Variants in PPM1L observed in about 807,000 individuals in gnomAD.
PPM1L encodes protein phosphatase 1L.
Under a neutral mutation model 31.4 loss-of-function variants are expected in PPM1L, and 13 were observed. The ratio of observed to expected loss-of-function variants is 0.41; its 90% CI spans 0.27 to 0.66. The LOEUF is 0.66. PPM1L is among the 30% of genes least tolerant of loss of function. The pLI is 0.29. For synonymous variants in PPM1L, 184 were observed against 175.4 expected, an observed-to-expected ratio of 1.05 and a Z score of -0.39; for missense variants, 326 against 453.7, an observed-to-expected ratio of 0.72 and a Z score of 2.56.
At chr3:161,008,269 C>A (rs1012319963) in intron 2 of PPM1L, among the ~76,000 whole-genome samples, 1 of 152,214 alleles carries the variant, frequency 6.6e-6, no homozygotes, top group African/African-American at 2.4e-5. Context: ...CTGCCCCATA[C>A]CCAGGAGGAA....
chr3:161,061,785 C>T (rs1388866785), intron 2 of PPM1L, among the ~76,000 whole-genome samples: 1 of 152,080 alleles, frequency 6.6e-6, no homozygotes, highest in Non-Finnish European at 1.5e-5. Context: ...CCAGCAGATC[C>T]CAAGGGACAA....
At chr3:160,840,929 A>G (rs1713859654) in intron 1 of PPM1L, among the ~76,000 whole-genome samples, 1 of 152,146 alleles carries the variant, frequency 6.6e-6, no homozygotes, top group Admixed American at 6.5e-5. Flanking sequence ...TATTGAGTCG[A>G]CTGATTCAAA....
intron 1 of PPM1L, among the ~76,000 whole-genome samples, chr3:160,858,510 G>A (rs1341383470): frequency 6.6e-6 from 1 of 152,108 alleles, no homozygotes; most frequent in African/African-American, 2.4e-5. Flanking sequence ...GCCTCCCAAA[G>A]CAAAAGTTAT....
intron 1 of PPM1L, among the ~76,000 whole-genome samples, chr3:160,900,868 C>T (rs1713515574): frequency 6.6e-6 from 1 of 152,124 alleles, no homozygotes; most frequent in African/African-American, 2.4e-5. Context: ...CATCAGTGAC[C>T]TGCATATTGC....
intron 2 of PPM1L, among the ~76,000 whole-genome samples, chr3:161,037,305 G>T (rs1022867027): frequency 2.0e-5 from 3 of 152,000 alleles, no homozygotes; most frequent in Non-Finnish European, 4.4e-5. Flanking sequence ...GCCATGTCAT[G>T]AAGAGATGAT....
chr3:160,971,996 G>A (rs1716356246), intron 2 of PPM1L, among the ~76,000 whole-genome samples: 1 of 151,992 alleles, frequency 6.6e-6, no homozygotes, highest in South Asian at 2.1e-4. Context: ...TCAAACTCCT[G>A]GCCTCAAGTG....
chr3:160,759,955 C>T (rs1201108046), intron 1 of PPM1L, among the ~76,000 whole-genome samples: 5 of 152,078 alleles, frequency 3.3e-5, no homozygotes, highest in Non-Finnish European at 5.9e-5. Flanking sequence ...AGAGAAGTAC[C>T]TAAAGGAGAG....
chr3:160,957,827 C>T (rs531309716), intron 1 of PPM1L, among the ~76,000 whole-genome samples: 1 of 152,272 alleles, frequency 6.6e-6, no homozygotes, highest in Admixed American at 6.5e-5. Flanking sequence ...CCGCCCGCCT[C>T]AGCCTCCTAA....
At chr3:160,761,872 A>G (rs1176705278) in intron 1 of PPM1L, among the ~76,000 whole-genome samples, 1 of 152,146 alleles carries the variant, frequency 6.6e-6, no homozygotes, top group African/African-American at 2.4e-5. Flanking sequence ...TTATATAATT[A>G]TCAGATCTTG....
chr3:160,791,056 C>T (rs1712090178), intron 1 of PPM1L, among the ~76,000 whole-genome samples: 1 of 152,084 alleles, frequency 6.6e-6, no homozygotes, highest in Non-Finnish European at 1.5e-5. Context: ...TTCTCACTGG[C>T]TCCCAGTATT....
chr3:160,960,558 T>TTG lies in PPM1L; in HGVS notation c.400-1135_400-1134dup, dbSNP rs59297068. ...TTTGTTTGTTCGTTTTTTAGCAGTT[T>TTG]TGTGTGTGTGTGTGTGTGTGTGTGT... On this transcript the variant is annotated intron_variant, in intron 1 of 3. Transcript: ENST00000498165. Among the ~76,000 whole-genome samples the TTG allele has an allele frequency of 1.9e-3, 271 of 145,566 alleles. 1 individual carries two copies. Among genetic ancestry groups the TTG allele is most frequent in the East Asian group, 9.0e-3 (44 of 4,900 alleles).
At chr3:160,956,901 G>C (rs7635796) in intron 1 of PPM1L, among the ~76,000 whole-genome samples, 65,492 of 152,102 alleles carry the variant, frequency 0.43, 14,823 homozygotes, top group East Asian at 0.73. Flanking sequence ...TAGTGTCAAA[G>C]TATTGAGCTT....
intron 1 of PPM1L, among the ~76,000 whole-genome samples, chr3:160,877,996 C>T (rs941607399): frequency 1.3e-5 from 2 of 152,228 alleles, no homozygotes; most frequent in African/African-American, 4.8e-5. Context: ...CTCGATTTTA[C>T]AGGCTGCTCT....
intron 1 of PPM1L, among the ~76,000 whole-genome samples, chr3:160,831,784 T>A (rs1174743050): frequency 6.6e-6 from 1 of 152,190 alleles, no homozygotes; most frequent in Non-Finnish European, 1.5e-5. Flanking sequence ...CTGTGTTATC[T>A]TAAGGAATCT....
At chr3:160,783,913 T>A (rs1340444750) in intron 1 of PPM1L, among the ~76,000 whole-genome samples, 1 of 152,210 alleles carries the variant, frequency 6.6e-6, no homozygotes, top group Non-Finnish European at 1.5e-5. Context: ...ATGGCTCTAG[T>A]AGTAAGATTT....
intron 1 of PPM1L, among the ~76,000 whole-genome samples, chr3:160,773,384 G>GAA (rs11441850): frequency 6.6e-6 from 1 of 151,766 alleles, no homozygotes; most frequent in Non-Finnish European, 1.5e-5. Flanking sequence ...TGAAAAGAGA[G>GAA]AAAAAAAGGC....
chr3:160,768,787 T>G (rs548218052), intron 1 of PPM1L, among the ~76,000 whole-genome samples: 2 of 152,126 alleles, frequency 1.3e-5, no homozygotes, highest in Non-Finnish European at 2.9e-5. Flanking sequence ...GGAAGCGGAT[T>G]AAACACTGGA....
rs566219696 is a variant in PPM1L, at chr3:160,810,785, C to T, written c.399+54078C>T. Among the ~76,000 whole-genome samples, 28 of 152,276 alleles carry T rather than the reference C, an allele frequency of 1.8e-4. No individual in the cohort carries two copies. The South Asian group carries it at 5.4e-3, about 29-fold the overall frequency. ...GCCTTGCATAGCAAAATCTGAATGT[C>T]GTTTAAAATGCTCCTCATTATGCTC... On this transcript the variant is annotated intron_variant, in intron 1 of 3. Coordinates refer to ENST00000498165, the MANE Select transcript of PPM1L (RefSeq NM_139245.4).
At chr3:161,052,164 T>C (rs939943713) in intron 2 of PPM1L, among the ~76,000 whole-genome samples, 5 of 152,228 alleles carry the variant, frequency 3.3e-5, no homozygotes, top group East Asian at 3.8e-4. Context: ...TATTCAGCCA[T>C]TGCCTTTCCA....
Sources: gnomAD v4.1 joint callset for allele counts (sites outside exome capture counted in the v4.1 genomes callset) on GRCh38, gnomAD v4.1.1 for gene constraint, MANE v1.5 for transcripts, NCBI Gene and HGNC (gene_info 2026-07-23, HGNC 2026-07-21) for gene names.